The following SLC30A10 variants were observed in gnomAD, a reference collection of about 807,000 sequenced individuals.
SLC30A10 encodes the protein solute carrier family 30 member 10.
In SLC30A10, 8 loss-of-function variants were observed where a neutral mutation model predicts 21.7. The observed-to-expected ratio is 0.37, with a 90% CI of 0.22 to 0.67. The LOEUF (loss-of-function observed/expected upper bound fraction) is 0.67, where lower values mean the gene tolerates loss of function less well. SLC30A10 is among the 30% of genes least tolerant of loss of function. The pLI is 0.58. For missense variants in SLC30A10, 521 were observed against 642.5 expected (o/e 0.81, Z 2.04); for synonymous variants, 272 against 279.4 (o/e 0.97, Z 0.26).
Position 219,928,357 on chromosome 1 carries a change from G to A in SLC30A10, c.84C>T (p.Ser28=). The A allele has an allele frequency of 6.2e-7, 1 of 1,613,386 alleles. No homozygotes were observed. The highest frequency in any genetic ancestry group is 1.1e-5 in the South Asian group (1 of 91,024). ...GCGCGATGGAGTTGCCCAGGTAGCC[G>A]GAGACCAGCTCCGCCACGAAGAAGG... ...TVAFFVAELV[S]GYLGNSIALL... is the part of the protein sequence containing the mutation. The change falls in exon 1 of 4, where the codon TCC becomes TCT. Residue 28 remains serine, a synonymous_variant. Transcript: ENST00000366926. This position sits in a 1 kb window ranked among gnomAD's most constrained non-coding sequence, Gnocchi z 6.3.
chr1:219,922,707 T>TA (rs1287363593), intron 2 of SLC30A10, among the ~76,000 whole-genome samples: 1 of 152,018 alleles, frequency 6.6e-6, no homozygotes, highest in Non-Finnish European at 1.5e-5. Context: ...GTAGAGTATG[T>TA]AAAAAAATGT....
intron 1 of SLC30A10, among the ~76,000 whole-genome samples, chr1:219,947,199 G>A (rs1483083342): frequency 2.0e-5 from 3 of 152,128 alleles, no homozygotes; most frequent in African/African-American, 7.2e-5. Flanking sequence ...AAGATCTCAT[G>A]GCAGATGAAG....
chr1:219,947,409 T>C (rs1660200748), intron 1 of SLC30A10, among the ~76,000 whole-genome samples: 1 of 152,106 alleles, frequency 6.6e-6, no homozygotes, highest in Non-Finnish European at 1.5e-5. Flanking sequence ...GGCAGGCACC[T>C]GTGGTCTTGG....
intron 1 of SLC30A10, among the ~76,000 whole-genome samples, chr1:219,953,896 TG>T (rs1341094478): frequency 1.3e-5 from 2 of 150,870 alleles, no homozygotes; most frequent in African/African-American, 4.9e-5. Context: ...TTAGTAGAGA[TG>T]GGGTTTCACC....
chr1:219,937,911 T>C (rs1167687128), intron 1 of SLC30A10, among the ~76,000 whole-genome samples: 1 of 152,234 alleles, frequency 6.6e-6, no homozygotes, highest in Non-Finnish European at 1.5e-5. Flanking sequence ...GCTTCCTATA[T>C]GAGTTTCATT....
chr1:219,930,593 C>G (rs755899699), upstream of SLC30A10, among the ~76,000 whole-genome samples: 1 of 152,204 alleles, frequency 6.6e-6, no homozygotes, highest in Non-Finnish European at 1.5e-5. Flanking sequence ...CATGCTAAAG[C>G]ATCCTTGATC....
intron 1 of SLC30A10, among the ~76,000 whole-genome samples, chr1:219,942,250 A>T (rs1176437759): frequency 6.6e-6 from 1 of 152,240 alleles, no homozygotes; most frequent in Non-Finnish European, 1.5e-5. Flanking sequence ...AATCTGACTT[A>T]AGAGCATCTG....
chr1:219,936,466 T>A (rs1195976421), intron 1 of SLC30A10, among the ~76,000 whole-genome samples: 1 of 152,180 alleles, frequency 6.6e-6, no homozygotes, highest in Non-Finnish European at 1.5e-5. Context: ...TGGTAAGATA[T>A]CCTGTTCCCT....
At chr1:219,948,559 A>G (rs1453182129) in intron 1 of SLC30A10, among the ~76,000 whole-genome samples, 1 of 152,186 alleles carries the variant, frequency 6.6e-6, no homozygotes, top group Middle Eastern at 3.2e-3. Context: ...GGCTAGCCAT[A>G]TGTAGAAAGC....
At chr1:219,926,508 G>C (rs925744460) in intron 2 of SLC30A10, among the ~76,000 whole-genome samples, 1 of 152,168 alleles carries the variant, frequency 6.6e-6, no homozygotes, top group African/African-American at 2.4e-5. Flanking sequence ...AGGCTAGCTA[G>C]GTGCTTGCCT....
chr1:219,955,417 A>G (rs997446041), intron 1 of SLC30A10, among the ~76,000 whole-genome samples: 1 of 152,102 alleles, frequency 6.6e-6, no homozygotes, highest in Non-Finnish European at 1.5e-5. Context: ...AAGACTTCCA[A>G]GTTTTCTCAT....
chr1:219,923,888 C>T (rs962528868), intron 2 of SLC30A10, among the ~76,000 whole-genome samples: 5 of 152,130 alleles, frequency 3.3e-5, no homozygotes, highest in African/African-American at 9.7e-5. Context: ...GGCAAAACCC[C>T]GTCTGTACTA....
chr1:219,934,295 C>A (rs374064860), intron 1 of SLC30A10, among the ~76,000 whole-genome samples: 7 of 151,378 alleles, frequency 4.6e-5, no homozygotes, highest in East Asian at 1.9e-4. Flanking sequence ...CTCACACACA[C>A]AAAAAAATAC....
intron 2 of SLC30A10, among the ~76,000 whole-genome samples, chr1:219,922,674 C>G (rs1286362340): frequency 6.6e-6 from 1 of 152,138 alleles, no homozygotes; most frequent in Non-Finnish European, 1.5e-5. Context: ...ATATCTGCCT[C>G]ACCTCCCTCA....
At chr1:219,945,326 T>G (rs1660172534) in intron 1 of SLC30A10, among the ~76,000 whole-genome samples, 1 of 152,228 alleles carries the variant, frequency 6.6e-6, no homozygotes, top group Non-Finnish European at 1.5e-5. Flanking sequence ...TTTCTTGGTT[T>G]GGAAATTGTA....
Position 219,912,828 on chromosome 1 carries a change from C to A in SLC30A10, c.*2621G>T, listed in dbSNP as rs1352239737. On this transcript the variant is annotated 3_prime_UTR_variant, in exon 4 of 4. Coordinates refer to ENST00000366926, the MANE Select transcript of SLC30A10 (RefSeq NM_018713.3). ...CAGCCTGGGCGACAGAGCAAGACTC[C>A]GTCTCAAAGAAACAAACAAACAAAC... Among the ~76,000 whole-genome samples, 1 of 148,152 alleles carries A rather than the reference C, an allele frequency of 6.7e-6. No individual in the cohort carries two copies. Among genetic ancestry groups the A allele is most frequent in the African/African-American group, 2.5e-5 (1 of 40,026 alleles).
intron 1 of SLC30A10, among the ~76,000 whole-genome samples, chr1:219,940,167 G>A (rs1660102409): frequency 6.6e-6 from 1 of 152,112 alleles, no homozygotes; most frequent in African/African-American, 2.4e-5. Flanking sequence ...TTGTTTGATG[G>A]AGCACTCATG....
At chr1:219,919,990 G>A (rs1659640841) in intron 2 of SLC30A10, among the ~76,000 whole-genome samples, 1 of 152,108 alleles carries the variant, frequency 6.6e-6, no homozygotes, top group African/African-American at 2.4e-5. Flanking sequence ...CTTTAATTGA[G>A]CTAATTCCTC....
chr1:219,954,393 A>G (rs893673249), intron 1 of SLC30A10, among the ~76,000 whole-genome samples: 1 of 151,736 alleles, frequency 6.6e-6, no homozygotes, highest in African/African-American at 2.4e-5. Context: ...ATCAAAACAA[A>G]ACTTAGCCGG....
Sources: gnomAD v4.1 joint callset for allele counts (sites outside exome capture counted in the v4.1 genomes callset) on GRCh38, gnomAD v4.1.1 for gene constraint, Gnocchi (gnomAD v3.1) non-coding constraint, MANE v1.5 for transcripts, NCBI Gene and HGNC (gene_info 2026-07-23, HGNC 2026-07-21) for gene names.